Variants in TBC1D9 observed in about 807,000 individuals in gnomAD.
The protein encoded by TBC1D9 is TBC1 domain family member 9.
TBC1D9 carries 63 observed loss-of-function variants against 132.0 expected under a neutral mutation model. That is an observed-to-expected ratio of 0.48 (90% CI 0.39 to 0.59). The LOEUF (loss-of-function observed/expected upper bound fraction) is 0.59. TBC1D9 is among the 20% of genes least tolerant of loss of function. The pLI, the probability that TBC1D9 is intolerant of heterozygous loss-of-function variation, is 0.00. For synonymous variants in TBC1D9, 610 were observed against 609.9 expected (o/e 1.00, Z 0.00); for missense variants, 1,261 against 1,592.7 (o/e 0.79, Z 3.54).
chr4:140,712,969 C>A (rs1326830456), intron 1 of TBC1D9, among the ~76,000 whole-genome samples: 1 of 152,050 alleles, frequency 6.6e-6, no homozygotes, highest in African/African-American at 2.4e-5. Context: ...ATCACCAGAC[C>A]AACTCAAAAT....
chr4:140,680,754 C>T (rs1407206246), intron 3 of TBC1D9, among the ~76,000 whole-genome samples: 1 of 152,172 alleles, frequency 6.6e-6, no homozygotes, highest in Non-Finnish European at 1.5e-5. Flanking sequence ...ACTGAGCTCT[C>T]TGTAGCCCAA....
chr4:140,668,947 T>C lies in TBC1D9; in HGVS notation c.1558A>G (p.Met520Val). The C allele has an allele frequency of 6.2e-7, 1 of 1,613,930 alleles. No homozygotes were observed. ...ELVLKGIPESMRGELWLLLSG... is the reference protein window; with the variant it reads ...ELVLKGIPESVRGELWLLLSG... ...AGCAGCAGCCAGAGCTCCCCACGCA[T>C]GCTCTCCGGGATGCCCTTCAACACC... is the stretch of plus-strand genomic sequence containing the variant. The change falls in exon 9 of 21, where the codon ATG becomes GTG. Residue 520 changes from methionine (M) to valine (V), a missense_variant. This residue lies in a region of TBC1D9 where 550 missense variants were observed against 699.0 expected (regional missense o/e 0.79). Transcript: ENST00000442267.
rs902277544 is a variant in TBC1D9, at chr4:140,639,517, A to G, written c.2338-89T>C. ...AGAATGCCTGCAACACACTCTTGAC[A>G]CATCAAAGAAATGACTTCTCATATG... On this transcript the variant is annotated intron_variant, in intron 13 of 20. Transcript: ENST00000442267. 3.3e-6 allele frequency: 3 copies of G among 900,756 alleles called. No homozygotes were observed. In the African/African-American group the frequency reaches 4.9e-5, roughly 15 times the overall value. 55.8% of individuals were successfully genotyped at this position (900,756 alleles called of 1,614,324 possible).
chr4:140,664,309 T>C (rs954087674), intron 9 of TBC1D9, among the ~76,000 whole-genome samples: 1 of 152,208 alleles, frequency 6.6e-6, no homozygotes, highest in Non-Finnish European at 1.5e-5. Context: ...AGTTGCACAC[T>C]GCAAGCTACA....
intron 1 of TBC1D9, among the ~76,000 whole-genome samples, chr4:140,733,528 A>C (rs1289829518): frequency 1.3e-5 from 2 of 152,176 alleles, no homozygotes; most frequent in Non-Finnish European, 2.9e-5. Context: ...CTTTAAACTA[A>C]ACATTATATT....
chr4:140,689,658 T>C (rs1443884355), intron 2 of TBC1D9, among the ~76,000 whole-genome samples: 2 of 11,842 alleles, frequency 1.7e-4, no homozygotes, highest in African/African-American at 3.9e-4. Flanking sequence ...CCTCTCCCCT[T>C]CCCCCCTCCC....
At chr4:140,684,156 C>T (rs982518215) in intron 3 of TBC1D9, among the ~76,000 whole-genome samples, 19 of 151,654 alleles carry the variant, frequency 1.3e-4, no homozygotes, top group African/African-American at 4.6e-4. Context: ...ACTTCCAGCA[C>T]TTTGGGAAGC....
Position 140,677,065 on chromosome 4 carries a change from A to G in TBC1D9, c.888T>C (p.Arg296=). Residue 296 remains arginine (R), a synonymous_variant, in exon 6 of 21, where the codon CGT becomes CGC. Coordinates refer to ENST00000442267, the MANE Select transcript of TBC1D9 (RefSeq NM_015130.3). ...CATCTTTGGGCAGCCGGAAAAGTGCACGGTATCTCTCACTCTTTGCCCTGG... is the reference window on the plus strand; with the variant it reads ...CATCTTTGGGCAGCCGGAAAAGTGCGCGGTATCTCTCACTCTTTGCCCTGG... ...LDARAKSERY[R]ALFRLPKDEK... 1 of 1,613,956 alleles carries G rather than the reference A, an allele frequency of 6.2e-7. No individual in the cohort carries two copies. The highest frequency in any genetic ancestry group is 8.5e-7 in the Non-Finnish European group (1 of 1,179,872).
At chr4:140,653,360 T>C (rs1348170617) in intron 13 of TBC1D9, among the ~76,000 whole-genome samples, 1 of 152,198 alleles carries the variant, frequency 6.6e-6, no homozygotes, top group Non-Finnish European at 1.5e-5. Context: ...CACTCAGGTG[T>C]CATGCCTGAG....
chr4:140,684,411 A>C (rs1460738831), intron 3 of TBC1D9, among the ~76,000 whole-genome samples: 1 of 152,138 alleles, frequency 6.6e-6, no homozygotes, highest in Non-Finnish European at 1.5e-5. Flanking sequence ...ATTATTGGAC[A>C]ATATGTGAAT....
chr4:140,739,733 C>A (rs553944258), intron 1 of TBC1D9, among the ~76,000 whole-genome samples: 2 of 152,122 alleles, frequency 1.3e-5, no homozygotes, highest in Non-Finnish European at 2.9e-5. Context: ...CTGGGCACAG[C>A]GGTACATGCC....
intron 1 of TBC1D9, among the ~76,000 whole-genome samples, chr4:140,702,638 C>A (rs1349539932): frequency 6.6e-6 from 1 of 152,174 alleles, no homozygotes; most frequent in African/African-American, 2.4e-5. Context: ...AACTGGGAAC[C>A]TGTCATCAGT....
intron 15 of TBC1D9, among the ~76,000 whole-genome samples, chr4:140,634,804 G>C (rs1375815996): frequency 6.6e-6 from 1 of 152,130 alleles, no homozygotes; most frequent in East Asian, 1.9e-4. Flanking sequence ...ACAAGTGTGT[G>C]GTCATCCAAT....
At chr4:140,713,472 G>A (rs1738281554) in intron 1 of TBC1D9, among the ~76,000 whole-genome samples, 1 of 152,122 alleles carries the variant, frequency 6.6e-6, no homozygotes, top group East Asian at 1.9e-4. Context: ...GCCAGGTACA[G>A]TGGACTGTAA....
chr4:140,676,646 G>T (rs1737629291), intron 6 of TBC1D9, among the ~76,000 whole-genome samples: 1 of 151,976 alleles, frequency 6.6e-6, no homozygotes, highest in African/African-American at 2.4e-5. Context: ...GAGCGAGACT[G>T]TCTCTAATAA....
intron 1 of TBC1D9, among the ~76,000 whole-genome samples, chr4:140,709,219 ATCTCTC>A (rs145661338): frequency 1.1e-3 from 97 of 88,230 alleles, no homozygotes; most frequent in South Asian, 9.1e-3. Flanking sequence ...AACCAGCCTT[ATCTCTC>A]TCTCTCTCTC....
At chr4:140,647,460 T>C (rs1737120051) in intron 13 of TBC1D9, among the ~76,000 whole-genome samples, 1 of 152,244 alleles carries the variant, frequency 6.6e-6, no homozygotes, top group Non-Finnish European at 1.5e-5. Context: ...TATTGTTCTT[T>C]GACTAATTAC....
chr4:140,727,439 C>T (rs949387774), intron 1 of TBC1D9, among the ~76,000 whole-genome samples: 1 of 152,244 alleles, frequency 6.6e-6, no homozygotes. Flanking sequence ...AAAGCCCAGC[C>T]TGGGGCAGAG....
chr4:140,716,111 T>C (rs1034353923), intron 1 of TBC1D9: 1 of 152,212 alleles, frequency 6.6e-6, no homozygotes, highest in Middle Eastern at 3.2e-3. Context: ...GATAAGTCCC[T>C]TACAGAATAT....
Sources: gnomAD v4.1 joint callset for allele counts (sites outside exome capture counted in the v4.1 genomes callset) on GRCh38, gnomAD v4.1.1 for gene constraint, gnomAD v4.1.1 regional missense constraint, MANE v1.5 for transcripts, NCBI Gene and HGNC (gene_info 2026-07-23, HGNC 2026-07-21) for gene names.